The following KIF3C variants were observed in gnomAD, a reference collection of about 807,000 sequenced individuals.
KIF3C encodes the protein kinesin family member 3C, also known as kinesin-like protein KIF3C.
A neutral mutation model predicts 67.7 loss-of-function variants in KIF3C; 12 were observed. That is an observed-to-expected ratio of 0.18 (90% CI 0.11 to 0.29). The LOEUF (loss-of-function observed/expected upper bound fraction) is 0.29. Among genes scored for constraint, KIF3C ranks in the 10% least tolerant of loss-of-function variants. The pLI is 1.00. For missense variants in KIF3C, 789 were observed against 1,059.6 expected (o/e 0.74, Z 3.55); for synonymous variants, 393 against 426.2 (o/e 0.92, Z 0.96).
At chr2:25,950,894 T>TAA (rs10561610) in intron 5 of KIF3C, among the ~76,000 whole-genome samples, 6 of 134,526 alleles carry the variant, frequency 4.5e-5, no homozygotes, top group Non-Finnish European at 6.5e-5. Flanking sequence ...CTATAGTTGT[T>TAA]AAAAAAAAAA....
chr2:25,955,314 A>G lies in KIF3C; in HGVS notation c.1770+227T>C, dbSNP rs1242984261. Reference sequence around the variant, plus strand: ...TAACGCTGGATACTGCAAGTGACAGAGTTTGCAGCCTGTCATAGCCCACCC... The same window carrying G: ...TAACGCTGGATACTGCAAGTGACAGGGTTTGCAGCCTGTCATAGCCCACCC... On this transcript the variant is annotated intron_variant, in intron 3 of 7. Coordinates refer to ENST00000264712, the MANE Select transcript of KIF3C (RefSeq NM_002254.8). The surrounding 1 kb of genome is among the most constrained non-coding windows in gnomAD (Gnocchi z 5.0). Among the ~76,000 whole-genome samples, 1 of 152,066 alleles carries G rather than the reference A, an allele frequency of 6.6e-6. No individual in the cohort carries two copies.
chr2:25,973,408 G>A (rs550902089), intron 1 of KIF3C, among the ~76,000 whole-genome samples: 1 of 152,172 alleles, frequency 6.6e-6, no homozygotes, highest in South Asian at 2.1e-4. Flanking sequence ...ACAAAACTTA[G>A]CCAGGTGTGG....
At chr2:25,965,392 G>T (rs1286241071) in intron 1 of KIF3C, among the ~76,000 whole-genome samples, 1 of 152,154 alleles carries the variant, frequency 6.6e-6, no homozygotes, top group African/African-American at 2.4e-5. Context: ...CTTAGAAATA[G>T]ATTTTTTTCC....
In KIF3C at chr2:25,964,247, T is replaced by C. The variant is rs552162242; in HGVS notation, c.1546-7803A>G. Among the ~76,000 whole-genome samples, 7 of 152,224 alleles carry C rather than the reference T, an allele frequency of 4.6e-5. No individual in the cohort carries two copies. In the South Asian group the frequency reaches 1.4e-3, roughly 32 times the overall value. On this transcript the variant is annotated intron_variant, in intron 1 of 7. Transcript: ENST00000264712. The stretch of plus-strand genomic sequence containing the variant: ...CGCCAGAGGTTACAGTGAGCTGAGA[T>C]AGCACCACTGTACTCTAGCCTGGGC...
intron 1 of KIF3C, among the ~76,000 whole-genome samples, chr2:25,979,636 A>T (rs375068681): frequency 2.0e-5 from 3 of 152,138 alleles, no homozygotes; most frequent in African/African-American, 7.2e-5. Context: ...ATAACCCCCA[A>T]ATCTCTTTCC....
chr2:25,969,055 C>T (rs1341223028), intron 1 of KIF3C, among the ~76,000 whole-genome samples: 3 of 152,110 alleles, frequency 2.0e-5, no homozygotes, highest in Admixed American at 2.0e-4. Context: ...AACTCCTGAC[C>T]TCAGGTGATC....
intron 1 of KIF3C, among the ~76,000 whole-genome samples, chr2:25,979,061 C>T (rs1361021966): frequency 6.6e-6 from 1 of 152,180 alleles, no homozygotes; most frequent in Non-Finnish European, 1.5e-5. Flanking sequence ...TGGCTGTAGG[C>T]TGGGCCCCCC....
At chr2:25,967,137 T>C (rs192125493) in intron 1 of KIF3C, among the ~76,000 whole-genome samples, 71 of 152,304 alleles carry the variant, frequency 4.7e-4, no homozygotes, top group African/African-American at 1.7e-3. Flanking sequence ...GCTCAGAGCC[T>C]CCTTGCTTTC....
intron 1 of KIF3C, among the ~76,000 whole-genome samples, chr2:25,976,237 G>A (rs1341688107): frequency 2.0e-5 from 3 of 152,064 alleles, no homozygotes; most frequent in Admixed American, 6.6e-5. Context: ...TCTGGCTTCC[G>A]GGGCTGCTTC....
Position 25,980,984 on chromosome 2 carries a change from T to C in KIF3C, c.934A>G (p.Ser312Gly), listed in dbSNP as rs1327804761. The C allele has an allele frequency of 1.2e-6, 2 of 1,614,132 alleles. No individual in the cohort carries two copies. The highest frequency in any genetic ancestry group is 8.5e-7 in the Non-Finnish European group (1 of 1,180,016). The change falls in exon 1 of 8, where the codon AGC becomes GGC. Residue 312 changes from serine (S) to glycine (G), a missense_variant. By Grantham distance (56) the Ser-to-Gly change is moderately conservative. This residue lies in a region of KIF3C where 648 missense variants were observed against 807.8 expected (regional missense o/e 0.80). Transcript: ENST00000264712. The surrounding 1 kb of genome is among the most constrained non-coding windows in gnomAD (Gnocchi z 7.6). ...GAGTCCCGGTAGGGAATGTGGGTGC[T>C]CCTGTTGCCCGCCAGGGCAGCAATC... ...NVIAALAGNR[S>G]THIPYRDSKL...
chr2:25,952,311 A>T (rs1663638355), intron 4 of KIF3C, among the ~76,000 whole-genome samples: 4 of 151,298 alleles, frequency 2.6e-5, no homozygotes, highest in Non-Finnish European at 5.9e-5. Flanking sequence ...AAAAAAAAAT[A>T]AGTTAATTAA....
At chr2:25,972,754 C>T (rs1044895170) in intron 1 of KIF3C, among the ~76,000 whole-genome samples, 1 of 152,166 alleles carries the variant, frequency 6.6e-6, no homozygotes, top group South Asian at 2.1e-4. Context: ...GTATTTCACT[C>T]TCTCCACTAC....
chr2:25,980,846 A>G lies in KIF3C; in HGVS notation c.1072T>C (p.Phe358Leu). Reference protein sequence around the residue: ...SYDESLSTLRFANRAKNIKNK... With the variant: ...SYDESLSTLRLANRAKNIKNK... ...TTGATGTTCTTGGCTCGGTTGGCAA[A>G]GCGCAAGGTGGAGAGGCTCTCATCG... The change falls in exon 1 of 8, where the codon TTT (phenylalanine) becomes CTT (leucine). Residue 358 changes from phenylalanine (F) to leucine (L), a missense_variant. By Grantham distance (22) the Phe-to-Leu change is conservative (BLOSUM62 0). Transcript: ENST00000264712. This position sits in a 1 kb window ranked among gnomAD's most constrained non-coding sequence, Gnocchi z 7.6. 1 of 1,614,134 alleles carries G rather than the reference A, an allele frequency of 6.2e-7. No homozygotes were observed. The highest frequency in any genetic ancestry group is 8.5e-7 in the Non-Finnish European group (1 of 1,180,028).
intron 5 of KIF3C, among the ~76,000 whole-genome samples, chr2:25,936,316 C>T (rs1663123891): frequency 1.3e-5 from 2 of 152,146 alleles, no homozygotes; most frequent in African/African-American, 4.8e-5. Context: ...GTTGGGATTA[C>T]AGGCATAAGC....
chr2:25,951,731 C>A, intron 5 of KIF3C, 58 bp downstream of exon 5: 2 of 1,189,830 alleles, frequency 1.7e-6, no homozygotes, highest in Non-Finnish European at 2.5e-6. Context: ...CCTCACCAGC[C>A]CCGACCTGGA....
rs763562759 is a variant in KIF3C at position 25,980,599 on chromosome 2, T to C, written c.1319A>G (p.Asn440Ser). Reference sequence around the variant, plus strand: ...GATGGGCTGGGGCGGGCGGTGGTTGTTGTTGTTGTCATCCTCCTCTTCTGC... The same window carrying C: ...GATGGGCTGGGGCGGGCGGTGGTTGCTGTTGTTGTCATCCTCCTCTTCTGC... The part of the protein sequence containing the change: ...WVAEEEDDNN[N>S]NHRPPQPILE... The change falls in exon 1 of 8, where the codon AAC (asparagine) becomes AGC (serine). Residue 440 changes from asparagine to serine, a missense_variant. Asn to Ser is a conservative substitution (Grantham distance 46, BLOSUM62 1). This residue lies in a region of KIF3C where 648 missense variants were observed against 807.8 expected (regional missense o/e 0.80). Coordinates refer to ENST00000264712, the MANE Select transcript of KIF3C (RefSeq NM_002254.8). The surrounding 1 kb of genome is among the most constrained non-coding windows in gnomAD (Gnocchi z 7.6). The C allele has an allele frequency of 1.2e-6, 2 of 1,613,890 alleles. No homozygotes were observed. Among genetic ancestry groups the C allele is most frequent in the South Asian group, 1.1e-5 (1 of 91,070 alleles).
chr2:25,968,857 T>C (rs1664208187), intron 1 of KIF3C, among the ~76,000 whole-genome samples: 1 of 151,740 alleles, frequency 6.6e-6, no homozygotes. Context: ...AGAGTCTTGC[T>C]CTGTCACCCA....
intron 1 of KIF3C, among the ~76,000 whole-genome samples, chr2:25,966,902 C>T (rs1280434971): frequency 6.6e-6 from 1 of 152,134 alleles, no homozygotes; most frequent in African/African-American, 2.4e-5. Flanking sequence ...GTTATGATCC[C>T]CATTTGACAT....
chr2:25,962,824 TAAA>T (rs1227414849), intron 1 of KIF3C, among the ~76,000 whole-genome samples: 10 of 65,530 alleles, frequency 1.5e-4, no homozygotes, highest in Admixed American at 5.0e-4. Context: ...ATATAATATA[TAAA>T]ATATATAAAA....
Sources: allele counts gnomAD v4.1 joint callset (sites outside exome capture counted in the v4.1 genomes callset), GRCh38; gene constraint gnomAD v4.1.1; regional missense constraint gnomAD v4.1.1; non-coding constraint Gnocchi (gnomAD v3.1); transcripts MANE v1.5; gene names NCBI Gene and HGNC (gene_info 2026-07-23, HGNC 2026-07-21).